The following ABR variants were observed in gnomAD, a reference collection of about 807,000 sequenced individuals.
The protein encoded by ABR is active breakpoint cluster region-related protein.
A neutral mutation model predicts 107.2 loss-of-function variants in ABR; 35 were observed. The observed-to-expected ratio is 0.33, with a 90% CI of 0.25 to 0.43. The LOEUF is 0.43. Ranked by LOEUF, ABR falls within the 20% of genes least tolerant of loss-of-function variation. The pLI is 1.00. For missense variants in ABR, 815 were observed against 1,115.2 expected (o/e 0.73, Z 3.83); for synonymous variants, 498 against 462.0 (o/e 1.08, Z -1.00).
At chr17:1,046,233 C>T (rs901097242) in intron 16 of ABR, among the ~76,000 whole-genome samples, 15 of 150,950 alleles carry the variant, frequency 9.9e-5, no homozygotes, top group Non-Finnish European at 1.6e-4. Flanking sequence ...CTCAAACTCC[C>T]GACCTCCTAA....
At chr17:1,222,376 G>A (rs987931012) in intron 1 of ABR, among the ~76,000 whole-genome samples, 7 of 151,992 alleles carry the variant, frequency 4.6e-5, no homozygotes, top group African/African-American at 1.4e-4. Flanking sequence ...GCCTCAAATG[G>A]CTTCTTAATA....
intron 2 of ABR, among the ~76,000 whole-genome samples, chr17:1,118,204 A>G (rs1315271176): frequency 2.8e-5 from 2 of 70,958 alleles, no homozygotes; most frequent in African/African-American, 1.2e-4. Context: ...CCCCAGCGTT[A>G]TCCCTGAGCC....
At chr17:1,137,398 A>G (rs2040116384) in intron 1 of ABR, among the ~76,000 whole-genome samples, 1 of 151,188 alleles carries the variant, frequency 6.6e-6, no homozygotes, top group Non-Finnish European at 1.5e-5. Context: ...CCTCGAGGCC[A>G]CTGTAGGGTT....
rs1025559221 is a variant in ABR at position 1,055,849 on chromosome 17, G to A, written c.1561+186C>T. ...GCCCCTAGGTTTCAGACAGCTTCAG[G>A]GAGGGCTTGAGAAAGAGGACTTTGG... On this transcript the variant is annotated intron_variant, in intron 14 of 22. Coordinates refer to ENST00000302538, the MANE Select transcript of ABR (RefSeq NM_021962.5). The A allele has an allele frequency of 5.2e-6, 3 of 582,234 alleles. No homozygotes were observed. The South Asian group carries it at 6.7e-5, about 13-fold the overall frequency. The allele number at this position is 582,234 out of a possible 1,614,324, so 36.1% of individuals were successfully genotyped here. A position where few individuals can be genotyped will look rare whatever the true frequency, so the allele number is the denominator to read the frequency against.
upstream of ABR, among the ~76,000 whole-genome samples, chr17:1,180,204 C>T (rs988721362): frequency 5.9e-5 from 9 of 152,056 alleles, no homozygotes; most frequent in African/African-American, 1.9e-4. Context: ...CGGCGCAGAC[C>T]CAGGTCCCCC....
intron 16 of ABR, chr17:1,031,751 G>GGT: frequency 8.1e-7 from 1 of 1,236,368 alleles, no homozygotes. Flanking sequence ...TGCCGGGGGG[G>GGT]ACGGGACGCG....
rs1169295549 is a variant in ABR at position 1,151,351 on chromosome 17, T to TGACAATTCATCC, written c.62-25996_62-25985dup. Among the ~76,000 whole-genome samples, 4 of 152,298 alleles carry TGACAATTCATCC rather than the reference T, an allele frequency of 2.6e-5. No individual in the cohort carries two copies. The South Asian group carries it at 8.3e-4, about 32-fold the overall frequency. On this transcript the variant is annotated intron_variant, in intron 1 of 22. Coordinates refer to ENST00000302538, the MANE Select transcript of ABR (RefSeq NM_021962.5). ...AAGCCCTGTCTGCTGAGAACTCATC[T>TGACAATTCATCC]GACAATTCATCCTAATCCCTAGAGG...
rs555306772 is a variant in ABR at position 1,027,537 on chromosome 17, C to A, written c.1792-14373G>T. Among the ~76,000 whole-genome samples the A allele has an allele frequency of 4.6e-5, 7 of 152,162 alleles. No homozygotes were observed. Among genetic ancestry groups the A allele is most frequent in the Admixed American group, 3.9e-4 (6 of 15,272 alleles). ...GAGAGATCAGAGAGTACTCATGAGGCCCCAGCAGTGAGGTCTGCCCACTCG... is the reference window on the plus strand; with the variant it reads ...GAGAGATCAGAGAGTACTCATGAGGACCCAGCAGTGAGGTCTGCCCACTCG... On this transcript the variant is annotated intron_variant, in intron 16 of 22. Transcript: ENST00000302538. This position sits in a 1 kb window ranked among gnomAD's most constrained non-coding sequence, Gnocchi z 4.7.
At chr17:1,106,512 T>C (rs536533207) in intron 2 of ABR, among the ~76,000 whole-genome samples, 1 of 147,152 alleles carries the variant, frequency 6.8e-6, no homozygotes, top group Non-Finnish European at 1.5e-5. Flanking sequence ...CTTTTATCAG[T>C]ACTCTTCTCA....
chr17:1,129,230 C>T (rs1334596052), intron 1 of ABR, among the ~76,000 whole-genome samples: 2 of 152,112 alleles, frequency 1.3e-5, no homozygotes, highest in African/African-American at 2.4e-5. Flanking sequence ...ACCTAATGCA[C>T]GAGGGGCTTA....
At chr17:1,112,766 C>T (rs992069372) in intron 2 of ABR, among the ~76,000 whole-genome samples, 4 of 152,282 alleles carry the variant, frequency 2.6e-5, no homozygotes, top group African/African-American at 7.2e-5. Flanking sequence ...TGAAATCTTT[C>T]GCAGCCACTG....
intron 16 of ABR, among the ~76,000 whole-genome samples, chr17:1,029,630 G>A (rs1035196542): frequency 5.9e-5 from 9 of 152,124 alleles, no homozygotes; most frequent in African/African-American, 1.9e-4. Flanking sequence ...CCACCGAAAC[G>A]AAACTGCCTA....
intron 10 of ABR, among the ~76,000 whole-genome samples, chr17:1,064,751 CTGT>C (rs1196192568): frequency 1.9e-4 from 25 of 134,604 alleles, no homozygotes; most frequent in Non-Finnish European, 1.6e-4. Context: ...CCTCTAGACA[CTGT>C]TGTTATGTGA....
chr17:1,149,425 G>GTT lies in ABR; in HGVS notation c.62-24060_62-24059dup, dbSNP rs34550378. 6.9e-3 allele frequency among the ~76,000 whole-genome samples: 906 copies of GTT among 130,424 alleles called. 9 individuals are homozygous for GTT. Among genetic ancestry groups the GTT allele is most frequent in the African/African-American group, 0.012 (413 of 35,216 alleles). 85.6% of individuals were successfully genotyped at this position (130,424 alleles called of 152,430 possible). Reference sequence around the variant, plus strand: ...CCTCCAGAATTCATTTCTGGTTTTAGTTTTTTTTTTTTTTTTTGAGACAGA... The same window carrying GTT: ...CCTCCAGAATTCATTTCTGGTTTTAGTTTTTTTTTTTTTTTTTTTGAGACAGA... On this transcript the variant is annotated intron_variant, in intron 1 of 22. Coordinates refer to ENST00000302538, the MANE Select transcript of ABR (RefSeq NM_021962.5).
chr17:1,072,240 T>G (rs2035297053), intron 8 of ABR, among the ~76,000 whole-genome samples: 1 of 152,100 alleles, frequency 6.6e-6, no homozygotes, highest in Non-Finnish European at 1.5e-5. Context: ...GACACTGGAC[T>G]TAAACTTCTC....
chr17:1,064,406 C>A (rs2034439615), intron 10 of ABR, among the ~76,000 whole-genome samples: 1 of 125,294 alleles, frequency 8.0e-6, no homozygotes. Flanking sequence ...TTCCTCTAGA[C>A]ACTGTTGTTA....
chr17:1,127,492 G>A (rs544979270), intron 1 of ABR, among the ~76,000 whole-genome samples: 45 of 152,268 alleles, frequency 3.0e-4, no homozygotes, highest in Admixed American at 8.5e-4. Context: ...CAGCTGGCCT[G>A]AGTCTGGGTC....
At chr17:1,222,380 C>G (rs914998984) in intron 1 of ABR, among the ~76,000 whole-genome samples, 1 of 152,068 alleles carries the variant, frequency 6.6e-6, no homozygotes, top group African/African-American at 2.4e-5. Context: ...CAAATGGCTT[C>G]TTAATATCTC....
intron 1 of ABR, among the ~76,000 whole-genome samples, chr17:1,175,627 T>G (rs1433480967): frequency 6.6e-6 from 1 of 152,114 alleles, no homozygotes; most frequent in Non-Finnish European, 1.5e-5. Context: ...CCAACTCTTC[T>G]CCTTGAGGCA....
Sources: allele counts gnomAD v4.1 joint callset (sites outside exome capture counted in the v4.1 genomes callset), GRCh38; gene constraint gnomAD v4.1.1; non-coding constraint Gnocchi (gnomAD v3.1); transcripts MANE v1.5; gene names NCBI Gene and HGNC (gene_info 2026-07-23, HGNC 2026-07-21).